RB1: variants seen among roughly 807,000 people sequenced by gnomAD.
RB1 encodes the protein retinoblastoma-associated protein.
In RB1, 18 loss-of-function variants were observed where a neutral mutation model predicts 135.4. The ratio of observed to expected loss-of-function variants is 0.13; its 90% CI spans 0.09 to 0.20. The LOEUF (loss-of-function observed/expected upper bound fraction) is 0.20, where lower values mean the gene tolerates loss of function less well. Ranked by LOEUF, RB1 falls within the 10% of genes least tolerant of loss-of-function variation. RB1 has a pLI of 1.00. For missense variants in RB1, 868 were observed against 1,110.0 expected (o/e 0.78, Z 3.10); for synonymous variants, 365 against 373.2 (o/e 0.98, Z 0.25).
intron 17 of RB1, among the ~76,000 whole-genome samples, chr13:48,417,997 C>G (rs895178308): frequency 6.6e-6 from 1 of 152,190 alleles, no homozygotes; most frequent in African/African-American, 2.4e-5. Context: ...CCTAGCACGA[C>G]AGGCCAACAT....
chr13:48,411,467 A>C, intron 17 of RB1: 3 of 1,612,432 alleles, frequency 1.9e-6, no homozygotes, highest in East Asian at 2.2e-5. Context: ...CTGCACCATG[A>C]ACTTCAGAGA....
At position 48,459,723 on chromosome 13, in the gene RB1, T is replaced by C. The variant is rs1949383921; in HGVS notation, c.1996T>C (p.Cys666Arg). The C allele has an allele frequency of 3.7e-6, 6 of 1,614,122 alleles. No homozygotes were observed. The highest frequency in any genetic ancestry group is 5.1e-6 in the Non-Finnish European group (6 of 1,180,024). Residue 666 changes from cysteine (C) to arginine (R), a missense_variant, in exon 20 of 27, where the codon TGT becomes CGT. Physicochemically the swap from Cys to Arg is radical, Grantham distance 180. Coordinates refer to ENST00000267163, the MANE Select transcript of RB1 (RefSeq NM_000321.3). ...RLAYLRLNTL[C>R]ERLLSEHPEL... ...AGCCTATCTCCGGCTAAATACACTT[T>C]GTGAACGCCTTCTGTCTGAGCACCC...
At chr13:48,396,989 G>T (rs1948653892) in intron 17 of RB1, among the ~76,000 whole-genome samples, 1 of 152,176 alleles carries the variant, frequency 6.6e-6, no homozygotes, top group Non-Finnish European at 1.5e-5. Context: ...AAAAAGTCAG[G>T]AAACAACAGA....
At chr13:48,348,003 G>T (rs1228936971) in intron 5 of RB1, 140 bp downstream of exon 5, 10 of 652,988 alleles carry the variant, frequency 1.5e-5, no homozygotes, top group Non-Finnish European at 2.2e-5. Context: ...TTTAAGTCCT[G>T]TGTAGATTAT....
chr13:48,473,022 A>C (rs1949481938), intron 23 of RB1, among the ~76,000 whole-genome samples: 1 of 152,172 alleles, frequency 6.6e-6, no homozygotes, highest in African/African-American at 2.4e-5. Context: ...AAATGAGAAA[A>C]TATGAAAGAA....
chr13:48,439,663 C>T (rs1390283758), intron 17 of RB1: 1 of 152,100 alleles, frequency 6.6e-6, no homozygotes, highest in Non-Finnish European at 1.5e-5. Flanking sequence ...AGTCTTCTGT[C>T]AGCTATTGAA....
rs4151478 is a variant in RB1, at chr13:48,360,531, T to C, written c.718+404T>C. 210 of 181,858 alleles carry C rather than the reference T, an allele frequency of 1.2e-3. 4 individuals carry two copies. In the East Asian group the frequency reaches 0.022, roughly 19 times the overall value. The allele number at this position is 181,858 out of a possible 1,614,324, so 11.3% of individuals were successfully genotyped here. On this transcript the variant is annotated intron_variant, in intron 7 of 26. Transcript: ENST00000267163. ...GCAAGAAACAAGAAAAAGATATGAATGAAATTGCATGGGGAAGAGTGGCCT... is the reference window on the plus strand; with the variant it reads ...GCAAGAAACAAGAAAAAGATATGAACGAAATTGCATGGGGAAGAGTGGCCT...
chr13:48,441,958 T>A (rs1484515087), intron 17 of RB1, among the ~76,000 whole-genome samples: 1 of 152,216 alleles, frequency 6.6e-6, no homozygotes, highest in African/African-American at 2.4e-5. Flanking sequence ...GATAATTTGA[T>A]GCCTTGTCAC....
In RB1 at chr13:48,449,773, C is replaced by G. The variant is rs191526375; in HGVS notation, c.1696-3220C>G. 1.5e-4 allele frequency among the ~76,000 whole-genome samples: 23 copies of G among 152,204 alleles called. 1 individual carries two copies. The East Asian group carries it at 4.1e-3, about 27-fold the overall frequency. On this transcript the variant is annotated intron_variant, in intron 17 of 26. Transcript: ENST00000267163. ...AAGGTTTATGTCTTTTAAAATAAGT[C>G]AGTTTATTGCCGTTTTAGTGGGGTT...
At chr13:48,346,352 G>A (rs1376075093) in intron 4 of RB1, among the ~76,000 whole-genome samples, 2 of 145,534 alleles carry the variant, frequency 1.4e-5, no homozygotes, top group African/African-American at 5.1e-5. Context: ...GTTTCACATT[G>A]AGTAGAATAT....
At chr13:48,372,931 A>C (rs912786335) in intron 11 of RB1, among the ~76,000 whole-genome samples, 8 of 152,206 alleles carry the variant, frequency 5.3e-5, no homozygotes, top group Non-Finnish European at 1.0e-4. Flanking sequence ...TATGCTGTGA[A>C]AGTGGTGATT....
chr13:48,473,249 T>C (rs1949483233), intron 23 of RB1, 111 bp from the exon 24 acceptor site: 1 of 838,972 alleles, frequency 1.2e-6, no homozygotes, highest in Admixed American at 2.0e-5. Flanking sequence ...AGGGTAGAGG[T>C]AACCTTTAAT....
chr13:48,391,695 T>C lies in RB1; in HGVS notation c.1695+10252T>C, dbSNP rs530115742. On this transcript the variant is annotated intron_variant, in intron 17 of 26. Transcript: ENST00000267163. ...GTGCAGTGGCGCGATCTTGGCTCAC[T>C]GCAACCTCCACCTCCTGGGTTCAAG... 2.6e-4 allele frequency among the ~76,000 whole-genome samples: 39 copies of C among 152,258 alleles called. No individual in the cohort carries two copies. In the South Asian group the frequency reaches 3.5e-3, roughly 14 times the overall value.
intron 11 of RB1, among the ~76,000 whole-genome samples, chr13:48,372,409 C>T (rs560353009): frequency 1.3e-5 from 2 of 152,046 alleles, no homozygotes; most frequent in East Asian, 3.9e-4. Flanking sequence ...GCCTGTAATC[C>T]CACTTTGGGA....
Position 48,474,672 on chromosome 13 carries a change from A to G in RB1, c.2520+1282A>G, listed in dbSNP as rs4151617. Among the ~76,000 whole-genome samples, 15 of 152,022 alleles carry G rather than the reference A, an allele frequency of 9.9e-5. No individual in the cohort carries two copies. The South Asian group carries it at 3.1e-3, about 32-fold the overall frequency. The stretch of plus-strand genomic sequence containing the variant: ...TTCTAGGATATTCTTTTTCTGGTAC[A>G]CTGATTAGGAATTGTTTGCATGAGA... On this transcript the variant is annotated intron_variant, in intron 24 of 26. Coordinates refer to ENST00000267163, the MANE Select transcript of RB1 (RefSeq NM_000321.3).
chr13:48,443,743 A>G (rs1478128647), intron 17 of RB1, among the ~76,000 whole-genome samples: 1 of 152,166 alleles, frequency 6.6e-6, no homozygotes. Context: ...TGCCTCCTTA[A>G]ATTTTCCATC....
In RB1 at chr13:48,465,339, AACACCAACAAAAATG is replaced by A. The variant is rs771950878; in HGVS notation, c.2463_2477del (p.Thr823_Pro827del). 6.2e-7 allele frequency: 1 copy of A among 1,608,586 alleles called. No homozygotes were observed. Among genetic ancestry groups the A allele is most frequent in the South Asian group, 1.1e-5 (1 of 90,966 alleles). ...CATATAAAATTTCAGAAGGTCTGCC[AACACCAACAAAAATG>A]ACTCCAAGATCAAGGTGTGTGTTTT... On this transcript the variant is annotated inframe_deletion, in exon 23 of 27. Transcript: ENST00000267163.
At chr13:48,365,206 T>C (rs1184758144) in intron 9 of RB1, among the ~76,000 whole-genome samples, 3 of 152,204 alleles carry the variant, frequency 2.0e-5, no homozygotes, top group East Asian at 1.9e-4. Context: ...TCAATCTTTA[T>C]TGAATTTTTT....
At chr13:48,324,350 A>G (rs1456797308) in intron 2 of RB1, among the ~76,000 whole-genome samples, 2 of 150,954 alleles carry the variant, frequency 1.3e-5, no homozygotes. Flanking sequence ...CCATTAACCA[A>G]CTCCTCTTTT....
Sources: gnomAD v4.1 joint callset for allele counts (sites outside exome capture counted in the v4.1 genomes callset) on GRCh38, gnomAD v4.1.1 for gene constraint, MANE v1.5 for transcripts, NCBI Gene and HGNC (gene_info 2026-07-23, HGNC 2026-07-21) for gene names.